The following NBAS variants were observed in gnomAD, a reference collection of about 807,000 sequenced individuals.
NBAS encodes NBAS subunit of NRZ tethering complex.
NBAS carries 219 observed loss-of-function variants against 302.5 expected under a neutral mutation model. The ratio of observed to expected loss-of-function variants is 0.72; its 90% CI spans 0.65 to 0.81. The LOEUF (loss-of-function observed/expected upper bound fraction) is 0.81, where lower values mean the gene tolerates loss of function less well. NBAS is among the 30% of genes least tolerant of loss of function. The probability of loss-of-function intolerance (pLI) is 0.00; values close to 1 mark genes in which losing one functional copy is unlikely to be tolerated. For missense variants in NBAS, 2,932 were observed against 2,841.6 expected (o/e 1.03, Z -0.72); for synonymous variants, 1,118 against 1,021.6 (o/e 1.09, Z -1.80).
At chr2:15,385,265 C>T (rs943986051) in intron 28 of NBAS, among the ~76,000 whole-genome samples, 5 of 152,148 alleles carry the variant, frequency 3.3e-5, no homozygotes, top group African/African-American at 1.2e-4. Flanking sequence ...TTTCAGATTG[C>T]TTACAGGCAG....
At chr2:14,950,362 G>A in the NBAS span, among the ~76,000 whole-genome samples, 3 of 152,266 alleles carry the variant, frequency 2.0e-5, no homozygotes, top group Middle Eastern at 3.4e-3. Flanking sequence ...TTTTGTGGCT[G>A]AGTAGTATTC....
chr2:15,542,855 T>C (rs574091765), intron 6 of NBAS, among the ~76,000 whole-genome samples: 3 of 152,036 alleles, frequency 2.0e-5, no homozygotes, highest in Non-Finnish European at 4.4e-5. Flanking sequence ...ACAGATTCTA[T>C]GCACTGCATT....
At chr2:14,838,617 A>AT in the NBAS span, among the ~76,000 whole-genome samples, 24 of 151,882 alleles carry the variant, frequency 1.6e-4, no homozygotes, top group Non-Finnish European at 2.9e-4. Flanking sequence ...GTATGCTGTG[A>AT]TTTTTTATTG....
chr2:15,251,092 A>C (rs926607815), intron 44 of NBAS, among the ~76,000 whole-genome samples: 8 of 152,210 alleles, frequency 5.3e-5, no homozygotes, highest in Non-Finnish European at 1.0e-4. Context: ...GATAAAGAAA[A>C]TGTGGCACAT....
chr2:14,839,998 T>C, the NBAS span, among the ~76,000 whole-genome samples: 1 of 151,938 alleles, frequency 6.6e-6, no homozygotes, highest in Non-Finnish European at 1.5e-5. Flanking sequence ...GAATTTAAAA[T>C]GGCAGTTTTA....
At chr2:15,103,031 A>AAGGAAGGAAGGAAGGAAGGAAGGAAG in the NBAS span, among the ~76,000 whole-genome samples, 1 of 31,128 alleles carries the variant, frequency 3.2e-5, no homozygotes. Context: ...AAGGAAGGAA[A>AAGGAAGGAAGGAAGGAAGGAAGGAAG]GAGGGTCGGA....
At chr2:15,198,970 C>CA (rs1665748763) in intron 48 of NBAS, among the ~76,000 whole-genome samples, 1 of 151,594 alleles carries the variant, frequency 6.6e-6, no homozygotes, top group African/African-American at 2.4e-5. Flanking sequence ...ACTAAAAACA[C>CA]AAAAAATTAG....
At chr2:15,116,788 A>G in the NBAS span, among the ~76,000 whole-genome samples, 1 of 152,220 alleles carries the variant, frequency 6.6e-6, no homozygotes, top group Admixed American at 6.5e-5. Context: ...ACGTCTCAGG[A>G]TCTTTTAAAA....
At chr2:15,313,908 ACT>A (rs1671389374) in intron 38 of NBAS, among the ~76,000 whole-genome samples, 3 of 152,210 alleles carry the variant, frequency 2.0e-5, no homozygotes, top group Admixed American at 6.5e-5. Context: ...TTTCTAGGAA[ACT>A]ATGACTCAGA....
chr2:15,002,290 CA>C, the NBAS span, among the ~76,000 whole-genome samples: 4 of 152,158 alleles, frequency 2.6e-5, no homozygotes, highest in Non-Finnish European at 5.9e-5. Context: ...AAAGGTTCTC[CA>C]AGGCCCCACC....
chr2:15,117,751 G>T, the NBAS span, among the ~76,000 whole-genome samples: 1 of 152,278 alleles, frequency 6.6e-6, no homozygotes, highest in Admixed American at 6.5e-5. Flanking sequence ...GTGATACCAG[G>T]AACACAGTGT....
the NBAS span, among the ~76,000 whole-genome samples, chr2:15,059,962 AAC>A: frequency 1.4e-5 from 2 of 139,442 alleles, no homozygotes; most frequent in African/African-American, 5.3e-5. Context: ...AAAAAAAAAA[AAC>A]AAAAAAAAAA....
At chr2:15,430,209 C>G (rs1677692723) in intron 21 of NBAS, among the ~76,000 whole-genome samples, 1 of 152,068 alleles carries the variant, frequency 6.6e-6, no homozygotes, top group Non-Finnish European at 1.5e-5. Flanking sequence ...TATGTAGAGA[C>G]TAGTAAGTTG....
intron 44 of NBAS, among the ~76,000 whole-genome samples, chr2:15,271,327 G>T (rs932385503): frequency 6.6e-6 from 1 of 152,174 alleles, no homozygotes; most frequent in African/African-American, 2.4e-5. Context: ...ATTATCAATA[G>T]AAATGAGTTT....
the NBAS span, among the ~76,000 whole-genome samples, chr2:15,082,504 T>C: frequency 2.0e-5 from 3 of 152,178 alleles, no homozygotes; most frequent in Non-Finnish European, 4.4e-5. Context: ...GGCCTTTAAT[T>C]CGGCTCCATG....
chr2:15,024,091 G>T, the NBAS span, among the ~76,000 whole-genome samples: 1 of 152,020 alleles, frequency 6.6e-6, no homozygotes, highest in East Asian at 1.9e-4. Flanking sequence ...GTACCCAAGG[G>T]TTTTGTTTTT....
At chr2:15,115,044 T>C in the NBAS span, among the ~76,000 whole-genome samples, 1 of 152,200 alleles carries the variant, frequency 6.6e-6, no homozygotes, top group Admixed American at 6.5e-5. Context: ...TGTCTACTAC[T>C]ATGAAAAGTA....
intron 47 of NBAS, 133 bp downstream of exon 47, chr2:15,232,289 G>T: frequency 1.3e-6 from 1 of 788,654 alleles, no homozygotes; most frequent in Non-Finnish European, 2.1e-6. Context: ...ATGTCTCCAA[G>T]TGCAGAGCCG....
chr2:15,442,237 A>C (rs946052766), intron 21 of NBAS, among the ~76,000 whole-genome samples: 3 of 89,804 alleles, frequency 3.3e-5, no homozygotes, highest in African/African-American at 7.6e-5. Context: ...CCTATTCCAA[A>C]ATTGACCACA....
Sources: gnomAD v4.1 joint callset for allele counts (sites outside exome capture counted in the v4.1 genomes callset) on GRCh38, gnomAD v4.1.1 for gene constraint, MANE v1.5 for transcripts, NCBI Gene and HGNC (gene_info 2026-07-23, HGNC 2026-07-21) for gene names.